PCDH15: variants seen among roughly 807,000 people sequenced by gnomAD.
PCDH15 encodes the protein protocadherin related 15.
Under a neutral mutation model 178.5 loss-of-function variants are expected in PCDH15, and 129 were observed. That is an observed-to-expected ratio of 0.72 (90% confidence interval 0.63 to 0.84). PCDH15 has a LOEUF of 0.84. Ranked by LOEUF, PCDH15 falls within the 40% of genes least tolerant of loss-of-function variation. The probability of loss-of-function intolerance (pLI) is 0.00; values close to 1 mark genes in which losing one functional copy is unlikely to be tolerated. For missense variants in PCDH15, 2,230 were observed against 2,099.9 expected, an observed-to-expected ratio of 1.06 and a Z score of -1.21; for synonymous variants, 800 against 732.0, an observed-to-expected ratio of 1.09 and a Z score of -1.50.
At chr10:55,045,817 T>C (rs2131982235) in intron 2 of PCDH15, among the ~76,000 whole-genome samples, 1 of 152,108 alleles carries the variant, frequency 6.6e-6, no homozygotes, top group East Asian at 1.9e-4. Flanking sequence ...TCAGAGATAC[T>C]GGAGATAATT....
At chr10:53,966,676 A>G (rs1404621425) in intron 21 of PCDH15, among the ~76,000 whole-genome samples, 1 of 152,052 alleles carries the variant, frequency 6.6e-6, no homozygotes, top group African/African-American at 2.4e-5. Flanking sequence ...ACTCTAAAAA[A>G]GTTATAAACT....
At chr10:53,861,084 A>C (rs1319959517) in intron 27 of PCDH15, among the ~76,000 whole-genome samples, 4 of 152,268 alleles carry the variant, frequency 2.6e-5, no homozygotes, top group African/African-American at 9.6e-5. Flanking sequence ...TACAGTTTAC[A>C]TTTGGTCTTT....
chr10:54,095,033 G>A (rs770247153), intron 15 of PCDH15, among the ~76,000 whole-genome samples: 2 of 152,154 alleles, frequency 1.3e-5, no homozygotes, highest in Admixed American at 6.5e-5. Flanking sequence ...CTGATAGAGT[G>A]CATTTTATGT....
chr10:54,311,104 A>C (rs1025963600), intron 8 of PCDH15, among the ~76,000 whole-genome samples: 1 of 152,080 alleles, frequency 6.6e-6, no homozygotes, highest in Non-Finnish European at 1.5e-5. Context: ...TTTAAGACAA[A>C]GATTGAAGTT....
At chr10:55,145,292 G>C (rs1297178924) in intron 2 of PCDH15, among the ~76,000 whole-genome samples, 1 of 151,950 alleles carries the variant, frequency 6.6e-6, no homozygotes, top group African/African-American at 2.4e-5. Flanking sequence ...AGGGAGAAAA[G>C]GTATTCCTGA....
At chr10:54,824,381 G>A (rs548789589) in intron 3 of PCDH15, among the ~76,000 whole-genome samples, 7 of 152,230 alleles carry the variant, frequency 4.6e-5, no homozygotes, top group Non-Finnish European at 5.9e-5. Flanking sequence ...AAGAACAACT[G>A]TGGAAAAGAT....
At chr10:54,896,127 C>T (rs1484781360) in intron 3 of PCDH15, among the ~76,000 whole-genome samples, 1 of 152,094 alleles carries the variant, frequency 6.6e-6, no homozygotes, top group Non-Finnish European at 1.5e-5. Context: ...CCTTGTGATC[C>T]ACCCACCTTT....
At chr10:55,582,624 A>T (rs1183287374) in intron 2 of PCDH15, among the ~76,000 whole-genome samples, 20,873 of 59,070 alleles carry the variant, frequency 0.35, 3,076 homozygotes, top group African/African-American at 0.46. Flanking sequence ...ATATATATAT[A>T]TATATTTTTT....
At chr10:54,383,535 C>T (rs1949501132) in intron 3 of PCDH15, among the ~76,000 whole-genome samples, 1 of 151,748 alleles carries the variant, frequency 6.6e-6, no homozygotes, top group Non-Finnish European at 1.5e-5. Context: ...GGTTTATACC[C>T]TCAGAATATT....
At chr10:53,895,644 C>T (rs2081900304) in intron 26 of PCDH15, among the ~76,000 whole-genome samples, 2 of 152,076 alleles carry the variant, frequency 1.3e-5, no homozygotes, top group Non-Finnish European at 2.9e-5. Context: ...TTAACATCTC[C>T]CTGTATTTGC....
intron 2 of PCDH15, among the ~76,000 whole-genome samples, chr10:54,531,995 C>T (rs139168250): frequency 6.8e-4 from 104 of 152,184 alleles, no homozygotes; most frequent in South Asian, 5.0e-3. Context: ...CAAAATGTAC[C>T]GATCGATAAG....
intron 3 of PCDH15, among the ~76,000 whole-genome samples, chr10:54,857,877 C>A (rs1953768757): frequency 6.6e-6 from 1 of 152,066 alleles, no homozygotes; most frequent in South Asian, 2.1e-4. Context: ...GGTTACAATA[C>A]AATGTTTTGA....
intron 21 of PCDH15, among the ~76,000 whole-genome samples, chr10:53,966,615 G>T (rs2089046857): frequency 6.6e-6 from 1 of 152,008 alleles, no homozygotes; most frequent in South Asian, 2.1e-4. Flanking sequence ...AAAAATAGCT[G>T]TGGCTTTAAT....
At chr10:55,193,868 C>T (rs934828817) in intron 1 of PCDH15, among the ~76,000 whole-genome samples, 10 of 151,806 alleles carry the variant, frequency 6.6e-5, no homozygotes, top group African/African-American at 1.9e-4. Flanking sequence ...AGTGTTGCAG[C>T]TTGATACACA....
At chr10:55,103,049 G>A (rs988548660) in intron 2 of PCDH15, among the ~76,000 whole-genome samples, 4 of 151,936 alleles carry the variant, frequency 2.6e-5, no homozygotes, top group Non-Finnish European at 5.9e-5. Flanking sequence ...AAGAGGGGCA[G>A]GCGAGGCAGC....
intron 1 of PCDH15, among the ~76,000 whole-genome samples, chr10:54,785,457 C>G (rs1366937477): frequency 1.3e-5 from 2 of 152,138 alleles, no homozygotes; most frequent in African/African-American, 4.8e-5. Flanking sequence ...TCCTGAGAGA[C>G]TATTTAAGAA....
chr10:53,826,400 C>T (rs988934712), intron 32 of PCDH15, among the ~76,000 whole-genome samples: 1 of 151,394 alleles, frequency 6.6e-6, no homozygotes, highest in African/African-American at 2.4e-5. Flanking sequence ...TTTTCCATTA[C>T]CAGGTCAATT....
At chr10:54,726,556 A>G (rs1445760268) in intron 1 of PCDH15, among the ~76,000 whole-genome samples, 1 of 151,374 alleles carries the variant, frequency 6.6e-6, no homozygotes, top group African/African-American at 2.4e-5. Context: ...GCACAGGTCA[A>G]ATAATAAAAT....
intron 8 of PCDH15, among the ~76,000 whole-genome samples, chr10:54,312,667 G>A (rs139562599): frequency 6.6e-4 from 101 of 152,162 alleles, no homozygotes; most frequent in African/African-American, 2.4e-3. Flanking sequence ...ATGAGCACCA[G>A]CCAACAGCCA....
Sources: allele counts gnomAD v4.1 joint callset (sites outside exome capture counted in the v4.1 genomes callset), GRCh38; gene constraint gnomAD v4.1.1; transcripts MANE v1.5; gene names NCBI Gene and HGNC (gene_info 2026-07-23, HGNC 2026-07-21).